The following TNR variants were observed in gnomAD, a reference collection of about 807,000 sequenced individuals.
TNR encodes the protein tenascin-R.
Under a neutral mutation model 150.4 loss-of-function variants are expected in TNR, and 45 were observed. The observed-to-expected ratio is 0.30, with a 90% CI of 0.24 to 0.38. The LOEUF (loss-of-function observed/expected upper bound fraction) is 0.38. TNR is among the 10% of genes least tolerant of loss of function. The pLI, the probability that TNR is intolerant of heterozygous loss-of-function variation, is 1.00. For synonymous variants in TNR, 687 were observed against 678.4 expected (o/e 1.01, Z -0.20); for missense variants, 1,544 against 1,759.1 (o/e 0.88, Z 2.19).
At chr1:175,496,458 G>A (rs1453506467) in intron 2 of TNR, among the ~76,000 whole-genome samples, 1 of 152,182 alleles carries the variant, frequency 6.6e-6, no homozygotes, top group African/African-American at 2.4e-5. Context: ...GTGACTCGGG[G>A]CTGCCATATG....
At chr1:175,379,780 A>G in intron 8 of TNR, 43 bp from the exon 9 acceptor site, 1 of 1,599,850 alleles carries the variant, frequency 6.3e-7, no homozygotes, top group Non-Finnish European at 8.5e-7. Context: ...ATGATAATGT[A>G]ATGTACATTT....
rs747319301 is a variant in TNR, at chr1:175,391,315, G to C, written c.1480C>G (p.Pro494Ala). Residue 494 changes from proline to alanine, a missense_variant, in exon 7 of 23, where the codon CCC becomes GCC. Pro to Ala is a conservative substitution (Grantham distance 27). Around this residue, in one of 2 missense-constraint regions of TNR, gnomAD observed 1,254 missense variants for 1,329.4 expected, o/e 0.94. Transcript: ENST00000367674. ...VVALKEQARS[P>A]PTSASVSTVI... ...GTGGAGACGCTGGCCGAGGTAGGGGGGCTGCGGGCCTGTTCTTTCAGAGCC... is the reference window on the plus strand; with the variant it reads ...GTGGAGACGCTGGCCGAGGTAGGGGCGCTGCGGGCCTGTTCTTTCAGAGCC... 4.0e-5 allele frequency: 65 copies of C among 1,613,924 alleles called. No individual in the cohort carries two copies. The highest frequency in any genetic ancestry group is 5.3e-5 in the Non-Finnish European group (62 of 1,180,016).
intron 4 of TNR, among the ~76,000 whole-genome samples, chr1:175,402,284 G>C (rs1266644359): frequency 7.6e-6 from 1 of 132,308 alleles, no homozygotes. Flanking sequence ...TCCGCAATCC[G>C]GCCTGGGCGA....
intron 15 of TNR, 123 bp from the exon 16 acceptor site, chr1:175,356,585 A>G: frequency 8.8e-7 from 1 of 1,138,122 alleles, no homozygotes; most frequent in Non-Finnish European, 1.2e-6. Flanking sequence ...AATCTTTCAT[A>G]GGTTATCTAG....
chr1:175,470,011 T>G (rs859370), intron 2 of TNR, among the ~76,000 whole-genome samples: 112,479 of 152,002 alleles, frequency 0.74, 42,601 homozygotes, highest in African/African-American at 0.91. Flanking sequence ...CAGGGAAGAG[T>G]CAGGATGACA....
At chr1:175,523,263 A>G (rs759415104) in intron 2 of TNR, among the ~76,000 whole-genome samples, 20 of 152,234 alleles carry the variant, frequency 1.3e-4, no homozygotes, top group Non-Finnish European at 2.4e-4. Flanking sequence ...GTAGTGGGGC[A>G]TTGTGGGATA....
At chr1:175,428,691 C>G (rs1450881156) in intron 2 of TNR, among the ~76,000 whole-genome samples, 2 of 152,140 alleles carry the variant, frequency 1.3e-5, no homozygotes, top group African/African-American at 4.8e-5. Context: ...AAAGTGTCCA[C>G]CATTGGTTGA....
At chr1:175,643,477 A>T (rs908128107) in intron 1 of TNR, among the ~76,000 whole-genome samples, 3 of 152,168 alleles carry the variant, frequency 2.0e-5, no homozygotes, top group African/African-American at 7.2e-5. Flanking sequence ...CTCATAGTCA[A>T]TGTGAGAACC....
chr1:175,381,882 A>G (rs967149086), intron 8 of TNR, among the ~76,000 whole-genome samples: 9 of 152,172 alleles, frequency 5.9e-5, no homozygotes, highest in African/African-American at 2.2e-4. Context: ...TTCTAAACTT[A>G]TTCATTGCGC....
intron 2 of TNR, among the ~76,000 whole-genome samples, chr1:175,466,547 C>T (rs1307671798): frequency 6.6e-6 from 1 of 152,174 alleles, no homozygotes. Flanking sequence ...GATCTCTGTT[C>T]AGTTACTGGG....
At chr1:175,620,562 A>G (rs1183598679) in intron 1 of TNR, among the ~76,000 whole-genome samples, 2 of 152,198 alleles carry the variant, frequency 1.3e-5, no homozygotes, top group African/African-American at 2.4e-5. Flanking sequence ...ACACAGCCCA[A>G]AGGCTGGCAG....
intron 1 of TNR, among the ~76,000 whole-genome samples, chr1:175,659,926 G>A (rs1288352705): frequency 2.5e-5 from 3 of 118,696 alleles, no homozygotes; most frequent in South Asian, 2.6e-4. Context: ...TGCCTTCATC[G>A]CTGCTCTTAA....
intron 2 of TNR, among the ~76,000 whole-genome samples, chr1:175,466,623 G>A (rs1657045619): frequency 6.6e-6 from 1 of 152,164 alleles, no homozygotes. Context: ...CCTATCTGGG[G>A]ACTCCACATT....
At chr1:175,580,271 A>T (rs1191035660) in intron 1 of TNR, among the ~76,000 whole-genome samples, 1 of 152,134 alleles carries the variant, frequency 6.6e-6, no homozygotes, top group Non-Finnish European at 1.5e-5. Context: ...AATGAAGCCT[A>T]CCTTTTTTGT....
intron 1 of TNR, among the ~76,000 whole-genome samples, chr1:175,733,293 A>T (rs1667689635): frequency 6.6e-6 from 1 of 152,078 alleles, no homozygotes; most frequent in South Asian, 2.1e-4. Flanking sequence ...GGCCCACAGG[A>T]CCCCCCTCCC....
At chr1:175,446,710 T>C (rs967439988) in intron 2 of TNR, among the ~76,000 whole-genome samples, 3 of 152,122 alleles carry the variant, frequency 2.0e-5, no homozygotes, top group Admixed American at 6.5e-5. Context: ...AAAAAAAATC[T>C]CGTTCTTGGT....
At chr1:175,607,163 A>G (rs987152461) in intron 1 of TNR, among the ~76,000 whole-genome samples, 12 of 152,166 alleles carry the variant, frequency 7.9e-5, no homozygotes, top group African/African-American at 2.9e-4. Context: ...TCCAGTGTTT[A>G]TGAATTTGTG....
At chr1:175,731,337 A>G (rs1381600071) in intron 1 of TNR, among the ~76,000 whole-genome samples, 4 of 152,212 alleles carry the variant, frequency 2.6e-5, no homozygotes, top group Non-Finnish European at 5.9e-5. Flanking sequence ...CTGAAACTCT[A>G]TAGTAATTCT....
intron 2 of TNR, among the ~76,000 whole-genome samples, chr1:175,490,130 T>C (rs1055993915): frequency 4.6e-5 from 7 of 152,222 alleles, no homozygotes; most frequent in Admixed American, 4.6e-4. Context: ...GGGAAAAGAT[T>C]CCCTATTTAA....
Sources: allele counts gnomAD v4.1 joint callset (sites outside exome capture counted in the v4.1 genomes callset), GRCh38; gene constraint gnomAD v4.1.1; regional missense constraint gnomAD v4.1.1; transcripts MANE v1.5; gene names NCBI Gene and HGNC (gene_info 2026-07-23, HGNC 2026-07-21).